Variants in NOX4 observed in about 807,000 individuals in gnomAD.
NOX4 encodes the protein NADPH oxidase 4, also known as kidney oxidase-1.
NOX4 carries 69 observed loss-of-function variants against 87.6 expected under a neutral mutation model. The ratio of observed to expected loss-of-function variants is 0.79; its 90% CI spans 0.65 to 0.96. The LOEUF is 0.96. NOX4 is among the 40% of genes least tolerant of loss of function. The pLI is 0.00. For synonymous variants in NOX4, 275 were observed against 238.2 expected (o/e 1.15, Z -1.42); for missense variants, 680 against 681.5 (o/e 1.00, Z 0.02).
At chr11:89,513,473 A>G in the NOX4 span, among the ~76,000 whole-genome samples, 7 of 152,240 alleles carry the variant, frequency 4.6e-5, no homozygotes, top group African/African-American at 1.7e-4. Flanking sequence ...AGAATGTGCA[A>G]TGATATGCAA....
At chr11:89,455,661 T>G (rs1945160988) in intron 2 of NOX4, among the ~76,000 whole-genome samples, 1 of 151,256 alleles carries the variant, frequency 6.6e-6, no homozygotes, top group Admixed American at 6.6e-5. Flanking sequence ...TGCAGTATCA[T>G]GGAAAATATT....
At chr11:89,409,343 G>A (rs1942355920) in intron 8 of NOX4, among the ~76,000 whole-genome samples, 1 of 152,056 alleles carries the variant, frequency 6.6e-6, no homozygotes, top group South Asian at 2.1e-4. Context: ...AAAATTATGT[G>A]AAAAAGTATT....
intron 7 of NOX4, among the ~76,000 whole-genome samples, chr11:89,425,747 G>A (rs1053153546): frequency 1.3e-5 from 2 of 152,116 alleles, no homozygotes; most frequent in African/African-American, 4.8e-5. Flanking sequence ...TTTGGGTAGT[G>A]AGTAGACTTG....
chr11:89,351,995 A>G (rs1195762324), intron 13 of NOX4, among the ~76,000 whole-genome samples: 5 of 152,196 alleles, frequency 3.3e-5, no homozygotes, highest in Non-Finnish European at 7.3e-5. Flanking sequence ...CCTGAATGAA[A>G]TAACTCAGAC....
At chr11:89,444,010 G>C in intron 5 of NOX4, 125 bp downstream of exon 5, 1 of 716,102 alleles carries the variant, frequency 1.4e-6, no homozygotes, top group Non-Finnish European at 2.4e-6. Context: ...AGCTCAACTT[G>C]ACAACTGCAT....
intron 2 of NOX4, among the ~76,000 whole-genome samples, chr11:89,476,674 T>C (rs932322447): frequency 2.6e-5 from 4 of 152,170 alleles, no homozygotes; most frequent in Non-Finnish European, 4.4e-5. Flanking sequence ...ATCCTTTATA[T>C]TCATGATGAT....
At chr11:89,571,400 G>A in the NOX4 span, among the ~76,000 whole-genome samples, 2 of 151,626 alleles carry the variant, frequency 1.3e-5, no homozygotes, top group Non-Finnish European at 2.9e-5. Flanking sequence ...GGGTTCAAGT[G>A]ATTCTTCTGC....
intron 16 of NOX4, among the ~76,000 whole-genome samples, chr11:89,336,767 G>C (rs764359872): frequency 1.8e-4 from 28 of 151,952 alleles, no homozygotes; most frequent in Non-Finnish European, 3.1e-4. Flanking sequence ...AAGTAGGGTA[G>C]AAATACGACT....
At chr11:89,528,230 T>C in the NOX4 span, among the ~76,000 whole-genome samples, 10 of 152,306 alleles carry the variant, frequency 6.6e-5, no homozygotes, top group East Asian at 1.9e-3. Context: ...ACCCCTTGTA[T>C]CTAGGAAGTA....
chr11:89,528,175 C>T, the NOX4 span, among the ~76,000 whole-genome samples: 3 of 152,168 alleles, frequency 2.0e-5, no homozygotes, highest in Admixed American at 6.5e-5. Context: ...TCGTTTTGGC[C>T]AATTTCTTCC....
intron 2 of NOX4, chr11:89,488,841 C>T (rs2135492684): frequency 1.7e-6 from 1 of 578,548 alleles, no homozygotes; most frequent in Non-Finnish European, 3.1e-6. Flanking sequence ...GTTATCAGAC[C>T]TCATGTGTTT....
At chr11:89,397,844 A>T (rs187617198) in intron 11 of NOX4, among the ~76,000 whole-genome samples, 1 of 152,200 alleles carries the variant, frequency 6.6e-6, no homozygotes, top group African/African-American at 2.4e-5. Flanking sequence ...ACCAAAAAAA[A>T]GTCTAGGATC....
chr11:89,501,288 T>C (rs1947014795), upstream of NOX4, among the ~76,000 whole-genome samples: 1 of 151,926 alleles, frequency 6.6e-6, no homozygotes, highest in South Asian at 2.1e-4. Flanking sequence ...GACTTCAGAG[T>C]GTAGAAAAGC....
the NOX4 span, among the ~76,000 whole-genome samples, chr11:89,570,147 C>T: frequency 1.3e-5 from 2 of 152,154 alleles, no homozygotes; most frequent in Admixed American, 1.3e-4. Context: ...ATGTGGTAGA[C>T]ATGTACCATG....
chr11:89,365,184 A>G (rs1938860536), intron 12 of NOX4, among the ~76,000 whole-genome samples: 1 of 152,162 alleles, frequency 6.6e-6, no homozygotes, highest in Non-Finnish European at 1.5e-5. Flanking sequence ...ATGCAGTATT[A>G]CACAAAGGAA....
chr11:89,456,512 T>C (rs1945206581), intron 2 of NOX4, among the ~76,000 whole-genome samples: 1 of 151,542 alleles, frequency 6.6e-6, no homozygotes, highest in African/African-American at 2.4e-5. Context: ...CAGGAAAGCA[T>C]TGAGAGTGGA....
chr11:89,527,280 T>A, the NOX4 span, among the ~76,000 whole-genome samples: 48 of 152,230 alleles, frequency 3.2e-4, no homozygotes, highest in African/African-American at 1.2e-3. Context: ...TGAAACTTAT[T>A]TTTAAAAGGG....
At chr11:89,469,000 T>A (rs983425219) in intron 2 of NOX4, among the ~76,000 whole-genome samples, 2 of 152,112 alleles carry the variant, frequency 1.3e-5, no homozygotes, top group African/African-American at 4.8e-5. Context: ...AAAGTGCTAG[T>A]ATTACAGGAG....
intron 7 of NOX4, 45 bp downstream of exon 7, chr11:89,432,739 A>G: frequency 7.2e-7 from 1 of 1,381,994 alleles, no homozygotes; most frequent in Non-Finnish European, 1.0e-6. Context: ...CTTTTTCTAA[A>G]TAACCTGACA....
Sources: allele counts gnomAD v4.1 joint callset (sites outside exome capture counted in the v4.1 genomes callset), GRCh38; gene constraint gnomAD v4.1.1; transcripts MANE v1.5; gene names NCBI Gene and HGNC (gene_info 2026-07-23, HGNC 2026-07-21).